Variants in NREP observed in about 807,000 individuals in gnomAD.
NREP encodes the protein neuronal regeneration related protein, also known as neuronal regeneration-related protein.
In NREP, 5 loss-of-function variants were observed where a neutral mutation model predicts 8.6. The observed-to-expected ratio is 0.58, with a 90% confidence interval of 0.30 to 1.22. The LOEUF (loss-of-function observed/expected upper bound fraction) is 1.22, where lower values mean the gene tolerates loss of function less well. NREP is among the 50% of genes most tolerant of loss of function. The pLI is 0.07. For missense variants in NREP, 86 were observed against 82.5 expected (o/e 1.04, Z -0.17); for synonymous variants, 27 against 28.0 (o/e 0.96, Z 0.11).
In NREP at chr5:111,910,685, A is replaced by G. The variant is rs779334325; in HGVS notation, c.135+64589T>C. On this transcript the variant is annotated intron_variant, in intron 2 of 3. Coordinates refer to the NREP transcript ENST00000395634. The stretch of plus-strand genomic sequence containing the variant: ...GTGGAGCTGAGGAACTTGGCTTCTG[A>G]GACTGGAACAAACTCAAAGCTCCCC... 3.7e-4 allele frequency among the ~76,000 whole-genome samples: 56 copies of G among 152,024 alleles called. 1 individual carries two copies. The highest frequency in any genetic ancestry group is 7.1e-4 in the Non-Finnish European group (48 of 67,980).
At chr5:111,767,219 GTTTATA>G (rs1386346524) in intron 2 of NREP, among the ~76,000 whole-genome samples, 1 of 151,922 alleles carries the variant, frequency 6.6e-6, no homozygotes, top group Non-Finnish European at 1.5e-5. Flanking sequence ...GCTTTTAAAA[GTTTATA>G]TTTATGTTTT....
chr5:111,961,253 C>A (rs181744242), intron 2 of NREP, among the ~76,000 whole-genome samples: 2 of 152,298 alleles, frequency 1.3e-5, no homozygotes, highest in East Asian at 3.9e-4. Flanking sequence ...GGGACAGAAA[C>A]TGAGCCCACT....
At chr5:111,881,492 G>A (rs544850703) in intron 2 of NREP, among the ~76,000 whole-genome samples, 18 of 152,264 alleles carry the variant, frequency 1.2e-4, no homozygotes, top group South Asian at 1.0e-3. Context: ...CTCCCAGAAC[G>A]CAGCTGGAGA....
upstream of NREP, chr5:111,757,709 G>A (rs1750822473): frequency 5.1e-6 from 5 of 984,470 alleles, no homozygotes; most frequent in Non-Finnish European, 6.0e-6. Flanking sequence ...AAGCGGACCC[G>A]CAGCTCTGCG....
At chr5:111,936,104 G>T (rs532082256) in intron 2 of NREP, among the ~76,000 whole-genome samples, 57 of 152,132 alleles carry the variant, frequency 3.7e-4, no homozygotes, top group Middle Eastern at 3.4e-3. Context: ...TTTCTGTGTG[G>T]TTTTTTCCTC....
Position 111,755,698 on chromosome 5 carries a change from T to C in NREP, c.3+72A>G, listed in dbSNP as rs373888592. On this transcript the variant is annotated intron_variant, in intron 2 of 3. Transcript: ENST00000257435. ...AATGAAGGGTTGAGGCGGATGAAGA[T>C]GGGTGGTTGATATTTATATGTAACA... The C allele has an allele frequency of 1.2e-4, 184 of 1,510,902 alleles. No individual in the cohort carries two copies. In the African/African-American group the frequency reaches 2.0e-3, roughly 16 times the overall value. The allele number at this position is 1,510,902 out of a possible 1,614,324, so 93.6% of individuals were successfully genotyped here.
chr5:111,885,352 C>T (rs1754212946), intron 2 of NREP, among the ~76,000 whole-genome samples: 1 of 151,900 alleles, frequency 6.6e-6, no homozygotes, highest in Admixed American at 6.6e-5. Flanking sequence ...AAGAACATTC[C>T]ATGCTCATGA....
chr5:111,775,477 T>G (rs1751335894), intron 2 of NREP, among the ~76,000 whole-genome samples: 1 of 152,170 alleles, frequency 6.6e-6, no homozygotes, highest in African/African-American at 2.4e-5. Flanking sequence ...TTTGCTTCCT[T>G]GAGAAAGTTT....
At chr5:111,927,620 A>T (rs2085235030) in intron 2 of NREP, among the ~76,000 whole-genome samples, 1 of 152,200 alleles carries the variant, frequency 6.6e-6, no homozygotes. Context: ...GTAAAAATAT[A>T]GATTTACTGA....
chr5:111,752,872 A>G (rs1246739373), intron 2 of NREP, among the ~76,000 whole-genome samples: 1 of 152,192 alleles, frequency 6.6e-6, no homozygotes, highest in African/African-American at 2.4e-5. Context: ...TATTTTTTCA[A>G]ACTATTCAAT....
intron 2 of NREP, among the ~76,000 whole-genome samples, chr5:111,748,162 T>C (rs3797733): frequency 0.15 from 23,159 of 152,208 alleles, 2,024 homozygotes; most frequent in East Asian, 0.33. Context: ...TCAGGACCTC[T>C]TCTGCCCAAA....
intron 2 of NREP, among the ~76,000 whole-genome samples, chr5:111,753,881 T>C (rs995187648): frequency 6.6e-6 from 1 of 151,904 alleles, no homozygotes; most frequent in African/African-American, 2.4e-5. Flanking sequence ...ACCTCTAATA[T>C]CACTTCTTAA....
At chr5:111,956,506 A>AT (rs200531830) in intron 2 of NREP, among the ~76,000 whole-genome samples, 1 of 151,828 alleles carries the variant, frequency 6.6e-6, no homozygotes, top group South Asian at 2.1e-4. Flanking sequence ...GACAAATTAG[A>AT]TTTTTTTTTA....
chr5:111,874,750 G>A (rs1354646914), intron 2 of NREP, among the ~76,000 whole-genome samples: 7 of 151,944 alleles, frequency 4.6e-5, no homozygotes, highest in Non-Finnish European at 8.8e-5. Context: ...AGGCTTTTTC[G>A]GTGTTACCTT....
exon 2 of NREP, chr5:111,975,360 T>C: frequency 6.4e-7 from 1 of 1,551,628 alleles, no homozygotes; most frequent in African/African-American, 1.4e-5. Flanking sequence ...TGGGTTCGTG[T>C]TTCATCTTCT....
intron 2 of NREP, among the ~76,000 whole-genome samples, chr5:111,900,427 C>G (rs1372862662): frequency 6.6e-6 from 1 of 151,352 alleles, no homozygotes; most frequent in Non-Finnish European, 1.5e-5. Flanking sequence ...TCAAAATAGG[C>G]CTGAATGTAA....
At chr5:111,817,207 C>T (rs7712781) in intron 2 of NREP, among the ~76,000 whole-genome samples, 152,276 of 152,344 alleles carry the variant, frequency 1, 76,104 homozygotes, top group Non-Finnish European at 1. Context: ...ATCACAATTA[C>T]GTTATCTACA....
At chr5:111,778,064 T>C (rs1487148876) in intron 2 of NREP, among the ~76,000 whole-genome samples, 1 of 152,162 alleles carries the variant, frequency 6.6e-6, no homozygotes, top group Non-Finnish European at 1.5e-5. Context: ...AACTGATACC[T>C]GGTGGCAGAA....
intron 2 of NREP, among the ~76,000 whole-genome samples, chr5:111,936,169 G>C (rs1352141064): frequency 6.6e-6 from 1 of 152,084 alleles, no homozygotes; most frequent in African/African-American, 2.4e-5. Flanking sequence ...GTTCGGCTCT[G>C]TGTTGCCACC....
Sources: gnomAD v4.1 joint callset for allele counts (sites outside exome capture counted in the v4.1 genomes callset) on GRCh38, gnomAD v4.1.1 for gene constraint, MANE v1.5 for transcripts, NCBI Gene and HGNC (gene_info 2026-07-23, HGNC 2026-07-21) for gene names.